The following SETD2 variants were observed in gnomAD, a reference collection of about 807,000 sequenced individuals.
SETD2 encodes the protein histone-lysine N-methyltransferase SETD2.
A neutral mutation model predicts 242.1 loss-of-function variants in SETD2; 31 were observed. That is an observed-to-expected ratio of 0.13 (90% confidence interval 0.10 to 0.17). The LOEUF (loss-of-function observed/expected upper bound fraction) is 0.17. Ranked by LOEUF, SETD2 falls within the 10% of genes least tolerant of loss-of-function variation. The pLI, the probability that SETD2 is intolerant of heterozygous loss-of-function variation, is 1.00. For synonymous variants in SETD2, 1,006 were observed against 1,066.5 expected (o/e 0.94, Z 1.11); for missense variants, 2,481 against 3,046.3 (o/e 0.81, Z 4.37).
intron 9 of SETD2, 46 bp from the exon 10 acceptor site, chr3:47,088,293 A>T: frequency 6.5e-7 from 1 of 1,538,650 alleles, no homozygotes; most frequent in African/African-American, 1.4e-5. Flanking sequence ...AACAACAACA[A>T]AAAAAAAAAC....
chr3:47,069,645 T>C (rs560007468), intron 12 of SETD2, among the ~76,000 whole-genome samples: 1 of 152,284 alleles, frequency 6.6e-6, no homozygotes, highest in African/African-American at 2.4e-5. Context: ...CTAAGAGACA[T>C]CTGGGCTCTC....
intron 14 of SETD2, among the ~76,000 whole-genome samples, chr3:47,058,868 C>T (rs1385650702): frequency 6.6e-6 from 1 of 151,496 alleles, no homozygotes; most frequent in Non-Finnish European, 1.5e-5. Flanking sequence ...GATCTCTGTT[C>T]ACTGCAAGCT....
chr3:47,077,583 C>T (rs1052023831), intron 12 of SETD2, among the ~76,000 whole-genome samples: 10 of 152,086 alleles, frequency 6.6e-5, no homozygotes, highest in Non-Finnish European at 1.0e-4. Context: ...ATTGTGTGTA[C>T]GTACATGTTA....
In SETD2 at chr3:47,164,020, CGG is replaced by C; in HGVS notation, c.-98_-97del. On this transcript the variant is annotated 5_prime_UTR_variant, in exon 1 of 21. Transcript: ENST00000409792. The surrounding 1 kb of genome is among the most constrained non-coding windows in gnomAD (Gnocchi z 5.4). ...GAGGCCGCAGGTCCGACCGCGGCGG[CGG>C]CGGCGGCGGCGGCGGCGGCGGCAGG... The C allele has an allele frequency of 6.3e-6, 1 of 159,116 alleles. No individual in the cohort carries two copies. The highest frequency in any genetic ancestry group is 7.5e-6 in the Non-Finnish European group (1 of 132,996). The allele number at this position is 159,116 out of a possible 1,614,324, so 9.9% of individuals were successfully genotyped here. A position where few individuals can be genotyped will look rare whatever the true frequency, so the allele number is the denominator to read the frequency against.
chr3:47,122,744 T>C lies in SETD2; in HGVS notation c.1892A>G (p.Asp631Gly), dbSNP rs751456809. Residue 631 changes from aspartate to glycine, a missense_variant, in exon 3 of 21, where the codon GAT (aspartate) becomes GGT (glycine). Asp to Gly is a moderately conservative substitution (Grantham distance 94). Transcript: ENST00000409792. ...TTCGGACTTAAAAATAGGCAATTCATCTAGCTTTTTTAAAGTAGGTGAATC... is the reference window on the plus strand; with the variant it reads ...TTCGGACTTAAAAATAGGCAATTCACCTAGCTTTTTTAAAGTAGGTGAATC... ...LNDSPTLKKL[D>G]ELPIFKSEFI... The C allele has an allele frequency of 6.2e-7, 1 of 1,610,860 alleles. No individual in the cohort carries two copies. Among genetic ancestry groups the C allele is most frequent in the Non-Finnish European group, 8.5e-7 (1 of 1,178,826 alleles).
chr3:47,080,684 G>T, intron 12 of SETD2: 1 of 445,716 alleles, frequency 2.2e-6, no homozygotes, highest in Non-Finnish European at 3.0e-6. Context: ...ATGCTCACAA[G>T]TGGCAATGTG....
intron 14 of SETD2, among the ~76,000 whole-genome samples, chr3:47,059,655 T>C (rs1000029112): frequency 6.6e-6 from 1 of 151,548 alleles, no homozygotes; most frequent in African/African-American, 2.4e-5. Flanking sequence ...CCTGACCTCA[T>C]GATCCACTCG....
rs2107674010 is a variant in SETD2 at position 47,097,960 on chromosome 3, C to A, written c.5137G>T (p.Asp1713Tyr). 1 of 1,612,274 alleles carries A rather than the reference C, an allele frequency of 6.2e-7. No individual in the cohort carries two copies. Among genetic ancestry groups the A allele is most frequent in the Non-Finnish European group, 8.5e-7 (1 of 1,179,300 alleles). ...AAAGAAAAATGCAAACTTACTGAATCCTTCTTACGAGATCGTTCCTTCTTC... is the reference window on the plus strand; with the variant it reads ...AAAGAAAAATGCAAACTTACTGAATACTTCTTACGAGATCGTTCCTTCTTC... ...KMKKERSRKK[D>Y]SVDGELEALM... The change falls in exon 9 of 21, where the codon GAT becomes TAT. Residue 1713 changes from aspartate to tyrosine, a missense_variant. Asp to Tyr is a radical substitution (Grantham distance 160). Transcript: ENST00000409792.
chr3:47,149,139 A>G (rs1383427619), intron 1 of SETD2, among the ~76,000 whole-genome samples: 7 of 152,328 alleles, frequency 4.6e-5, no homozygotes, highest in Non-Finnish European at 7.4e-5. Context: ...CAAGTAACTC[A>G]ATACAGAAAT....
intron 15 of SETD2, among the ~76,000 whole-genome samples, chr3:47,050,721 CTCTTTTTT>C (rs2039789054): frequency 1.4e-5 from 1 of 70,376 alleles, no homozygotes. Context: ...CATTTCCTCT[CTCTTTTTT>C]TTTTTTTTTT....
intron 1 of SETD2, among the ~76,000 whole-genome samples, chr3:47,162,003 C>A (rs895122366): frequency 5.9e-5 from 9 of 151,648 alleles, no homozygotes; most frequent in African/African-American, 2.2e-4. Context: ...TACATTAAAG[C>A]AATAAAAATA....
intron 1 of SETD2, among the ~76,000 whole-genome samples, chr3:47,135,526 C>G (rs2043571599): frequency 6.6e-6 from 1 of 152,246 alleles, no homozygotes; most frequent in African/African-American, 2.4e-5. Context: ...ATCTGTCCGC[C>G]TTGGCCTCCC....
At chr3:47,095,193 T>C (rs2041959022) in intron 9 of SETD2, among the ~76,000 whole-genome samples, 1 of 152,186 alleles carries the variant, frequency 6.6e-6, no homozygotes. Context: ...TGGAGTGCAG[T>C]GGTGCCATCT....
At chr3:47,088,710 C>A (rs1234070989) in intron 9 of SETD2, among the ~76,000 whole-genome samples, 1 of 152,088 alleles carries the variant, frequency 6.6e-6, no homozygotes, top group African/African-American at 2.4e-5. Flanking sequence ...ATATAATGAC[C>A]TTTTTATGAT....
chr3:47,047,871 C>T (rs563262189), intron 15 of SETD2, among the ~76,000 whole-genome samples: 1 of 152,272 alleles, frequency 6.6e-6, no homozygotes, highest in South Asian at 2.1e-4. Context: ...GTTGTGGTAA[C>T]ATCATATAAT....
intron 18 of SETD2, among the ~76,000 whole-genome samples, chr3:47,027,073 T>G (rs895485920): frequency 7.9e-5 from 12 of 152,214 alleles, no homozygotes; most frequent in African/African-American, 2.9e-4. Context: ...GATTGGCTCA[T>G]GCCTGTAATC....
chr3:47,117,789 CATA>C (rs1468958942), intron 3 of SETD2, among the ~76,000 whole-genome samples: 4 of 152,154 alleles, frequency 2.6e-5, no homozygotes, highest in Admixed American at 6.5e-5. Context: ...TGATTGCGTT[CATA>C]ATAAGCCATG....
At chr3:47,152,191 G>T (rs551620420) in intron 1 of SETD2, among the ~76,000 whole-genome samples, 3 of 152,268 alleles carry the variant, frequency 2.0e-5, no homozygotes, top group Admixed American at 2.0e-4. Flanking sequence ...AGGCAAACTT[G>T]AAGAGATTTT....
At chr3:47,144,011 C>T (rs1007324963) in intron 1 of SETD2, among the ~76,000 whole-genome samples, 1 of 152,086 alleles carries the variant, frequency 6.6e-6, no homozygotes, top group Non-Finnish European at 1.5e-5. Context: ...CGCCCGGCCA[C>T]ATTACACCAG....
Sources: gnomAD v4.1 joint callset for allele counts (sites outside exome capture counted in the v4.1 genomes callset) on GRCh38, gnomAD v4.1.1 for gene constraint, Gnocchi (gnomAD v3.1) non-coding constraint, MANE v1.5 for transcripts, NCBI Gene and HGNC (gene_info 2026-07-23, HGNC 2026-07-21) for gene names.